Variants in CLYBL observed in about 807,000 individuals in gnomAD.
CLYBL encodes the protein citramalyl-CoA lyase, mitochondrial.
Under a neutral mutation model 38.9 loss-of-function variants are expected in CLYBL, and 31 were observed. That is an observed-to-expected ratio of 0.80 (90% CI 0.60 to 1.08). The LOEUF is 1.08. CLYBL is among the 50% of genes least tolerant of loss of function. The pLI is 0.00. For synonymous variants in CLYBL, 171 were observed against 158.6 expected (o/e 1.08, Z -0.59); for missense variants, 434 against 411.6 (o/e 1.05, Z -0.47).
intron 1 of CLYBL, among the ~76,000 whole-genome samples, chr13:99,763,575 A>G (rs1156650640): frequency 1.5e-5 from 2 of 137,492 alleles, no homozygotes; most frequent in Non-Finnish European, 3.1e-5. Context: ...TTTTTACTAG[A>G]CAGAGTCTTG....
chr13:99,865,500 G>A lies in CLYBL; in HGVS notation c.634+589G>A, dbSNP rs569714856. Among the ~76,000 whole-genome samples, 3 of 152,344 alleles carry A rather than the reference G, an allele frequency of 2.0e-5. No individual in the cohort carries two copies. In the South Asian group the frequency reaches 6.2e-4, roughly 32 times the overall value. Reference sequence around the variant, plus strand: ...TGCATGTTTGACTGGAGACCGTGAAGCATTTAGAAAAGAGGCCGAGGCCAC... The same window carrying A: ...TGCATGTTTGACTGGAGACCGTGAAACATTTAGAAAAGAGGCCGAGGCCAC... On this transcript the variant is annotated intron_variant, in intron 5 of 8. Transcript: ENST00000339105. This position sits in a 1 kb window ranked among gnomAD's most constrained non-coding sequence, Gnocchi z 4.7.
chr13:99,623,619 A>T (rs1277790605), intron 1 of CLYBL, among the ~76,000 whole-genome samples: 1 of 152,128 alleles, frequency 6.6e-6, no homozygotes. Flanking sequence ...TCCAGAGACC[A>T]TGGGCTTTGA....
At chr13:99,780,627 C>T (rs1299532626) in intron 2 of CLYBL, among the ~76,000 whole-genome samples, 2 of 151,682 alleles carry the variant, frequency 1.3e-5, no homozygotes, top group African/African-American at 2.4e-5. Context: ...CTGCCCGTCT[C>T]GGCCTCCCAA....
At chr13:99,766,631 T>G (rs548647214) in intron 1 of CLYBL, among the ~76,000 whole-genome samples, 1 of 152,312 alleles carries the variant, frequency 6.6e-6, no homozygotes, top group South Asian at 2.1e-4. Context: ...TAATCTAGTC[T>G]TCTCTGGCTG....
intron 1 of CLYBL, among the ~76,000 whole-genome samples, chr13:99,609,877 A>G (rs1342750204): frequency 6.6e-6 from 1 of 152,010 alleles, no homozygotes; most frequent in African/African-American, 2.4e-5. Flanking sequence ...TTCTCTATGT[A>G]CTGAAACATC....
chr13:99,886,581 T>C (rs1169850777), intron 7 of CLYBL, among the ~76,000 whole-genome samples: 1 of 152,230 alleles, frequency 6.6e-6, no homozygotes, highest in East Asian at 1.9e-4. Context: ...TGACCAGTGA[T>C]TTATTACAAC....
intron 2 of CLYBL, among the ~76,000 whole-genome samples, chr13:99,780,713 CTTTTT>C (rs11300050): frequency 8.0e-6 from 1 of 124,224 alleles, no homozygotes; most frequent in South Asian, 2.6e-4. Flanking sequence ...AATCCATTGT[CTTTTT>C]TTTTTTTTTT....
intron 1 of CLYBL, among the ~76,000 whole-genome samples, chr13:99,741,903 C>G (rs1302432189): frequency 1.3e-5 from 2 of 152,178 alleles, no homozygotes; most frequent in African/African-American, 4.8e-5. Context: ...TTGTTCCATT[C>G]TACCATTCTG....
chr13:99,728,887 C>T (rs1250538162), intron 1 of CLYBL, among the ~76,000 whole-genome samples: 1 of 152,178 alleles, frequency 6.6e-6, no homozygotes, highest in Non-Finnish European at 1.5e-5. Flanking sequence ...CCAGCCCCAC[C>T]CCAGTAAATA....
chr13:99,761,230 G>A (rs1220413128), intron 1 of CLYBL, among the ~76,000 whole-genome samples: 2 of 152,214 alleles, frequency 1.3e-5, no homozygotes, highest in South Asian at 2.1e-4. Flanking sequence ...GCGGGTGCCT[G>A]TAGTCCCAGC....
chr13:99,671,287 T>A (rs2047561326), intron 1 of CLYBL, among the ~76,000 whole-genome samples: 1 of 152,208 alleles, frequency 6.6e-6, no homozygotes, highest in African/African-American at 2.4e-5. Context: ...AATTTTTGTT[T>A]TTTGTTTTCT....
At chr13:99,827,837 G>A (rs952733171) in intron 2 of CLYBL, among the ~76,000 whole-genome samples, 10 of 152,220 alleles carry the variant, frequency 6.6e-5, no homozygotes, top group East Asian at 1.9e-4. Flanking sequence ...CCATGCTAGC[G>A]TGCCTACCCG....
chr13:99,715,072 A>G (rs2048291906), intron 1 of CLYBL, among the ~76,000 whole-genome samples: 1 of 152,174 alleles, frequency 6.6e-6, no homozygotes, highest in Non-Finnish European at 1.5e-5. Context: ...TCACCAGAGG[A>G]TCACCACATA....
chr13:99,726,224 G>A (rs1443461566), intron 1 of CLYBL: 1 of 152,096 alleles, frequency 6.6e-6, no homozygotes, highest in Non-Finnish European at 1.5e-5. Flanking sequence ...TTGAGATTAA[G>A]AACTCAAAGA....
intron 1 of CLYBL, among the ~76,000 whole-genome samples, chr13:99,640,332 A>C (rs2139264846): frequency 6.6e-6 from 1 of 152,368 alleles, no homozygotes; most frequent in African/African-American, 2.4e-5. Context: ...TCATTGTCGT[A>C]AAATATTATC....
intron 1 of CLYBL, among the ~76,000 whole-genome samples, chr13:99,666,517 C>G (rs1332937276): frequency 6.6e-6 from 1 of 152,136 alleles, no homozygotes; most frequent in Admixed American, 6.5e-5. Flanking sequence ...TTTTTTCCCC[C>G]CTTTCTTAAA....
chr13:99,697,480 G>A (rs1440596372), intron 1 of CLYBL, among the ~76,000 whole-genome samples: 5 of 151,596 alleles, frequency 3.3e-5, no homozygotes, highest in African/African-American at 1.2e-4. Flanking sequence ...AGGTTCAAGT[G>A]ATTCTCCCCA....
chr13:99,676,638 G>A (rs1370797556), intron 1 of CLYBL, among the ~76,000 whole-genome samples: 4 of 149,642 alleles, frequency 2.7e-5, no homozygotes, highest in Admixed American at 6.7e-5. Flanking sequence ...TTGTTGCCCA[G>A]GCTGGAGTGC....
intron 2 of CLYBL, among the ~76,000 whole-genome samples, chr13:99,778,226 A>G (rs2049563038): frequency 6.6e-6 from 1 of 152,286 alleles, no homozygotes; most frequent in African/African-American, 2.4e-5. Flanking sequence ...TTTCTTTCTC[A>G]AAGTCACCTC....
Sources: gnomAD v4.1 joint callset for allele counts (sites outside exome capture counted in the v4.1 genomes callset) on GRCh38, gnomAD v4.1.1 for gene constraint, Gnocchi (gnomAD v3.1) non-coding constraint, MANE v1.5 for transcripts, NCBI Gene and HGNC (gene_info 2026-07-23, HGNC 2026-07-21) for gene names.